Variants in CACNA1D observed in about 807,000 individuals in gnomAD.
The protein encoded by CACNA1D is calcium voltage-gated channel subunit alpha1 D.
A neutral mutation model predicts 257.1 loss-of-function variants in CACNA1D; 55 were observed. The ratio of observed to expected loss-of-function variants is 0.21; its 90% CI spans 0.17 to 0.27. The LOEUF is 0.27. Among genes scored for constraint, CACNA1D ranks in the 10% least tolerant of loss-of-function variants. The pLI, the probability that CACNA1D is intolerant of heterozygous loss-of-function variation, is 1.00. For synonymous variants in CACNA1D, 980 were observed against 1,014.9 expected (o/e 0.97, Z 0.65); for missense variants, 1,876 against 2,784.0 (o/e 0.67, Z 7.34).
At chr3:53,520,894 CTTTTCTTTTCT>C (rs200066921) in intron 3 of CACNA1D, among the ~76,000 whole-genome samples, 4,020 of 102,938 alleles carry the variant, frequency 0.039, 71 homozygotes, top group Admixed American at 0.08. Flanking sequence ...TTCTTTCTTT[CTTTTCTTTTCT>C]TTTCTTTTCT....
In CACNA1D at chr3:53,745,828, G is replaced by A. The variant is rs749228304; in HGVS notation, c.3120G>A (p.Lys1040=). ...CCTGTCTATTTTATACCCAGGGGAA[G>A]TTCTATCGCTGTACGGATGAAGCCA... is the stretch of plus-strand genomic sequence containing the variant. ...ACIGVQLFKG[K]FYRCTDEAKS... is the part of the protein sequence containing the mutation. The change falls in exon 25 of 48, where the codon AAG becomes AAA. Residue 1040 remains lysine, a synonymous_variant. Transcript: ENST00000350061. 1.9e-6 allele frequency: 3 copies of A among 1,613,846 alleles called. No individual in the cohort carries two copies. The South Asian group carries it at 3.3e-5, about 18-fold the overall frequency.
At chr3:53,735,586 G>T (rs1314605366) in intron 20 of CACNA1D, 83 bp downstream of exon 20, 27 of 1,488,948 alleles carry the variant, frequency 1.8e-5, no homozygotes, top group Non-Finnish European at 2.5e-5. Flanking sequence ...GAGCTGTGGA[G>T]GCCCTCAAGG....
chr3:53,611,596 AT>A (rs2093584164), intron 3 of CACNA1D, among the ~76,000 whole-genome samples: 1 of 152,062 alleles, frequency 6.6e-6, no homozygotes. Flanking sequence ...TTCAATCATT[AT>A]TATTTTTTGC....
At chr3:53,610,749 A>G (rs2093573101) in intron 3 of CACNA1D, among the ~76,000 whole-genome samples, 1 of 151,828 alleles carries the variant, frequency 6.6e-6, no homozygotes, top group Non-Finnish European at 1.5e-5. Flanking sequence ...ATTCTTTGAC[A>G]TTCCATTTTA....
At chr3:53,552,025 AT>A (rs2092545322) in intron 3 of CACNA1D, among the ~76,000 whole-genome samples, 1 of 152,168 alleles carries the variant, frequency 6.6e-6, no homozygotes, top group African/African-American at 2.4e-5. Context: ...CTCTATGGCT[AT>A]CCCACTCCTG....
chr3:53,727,519 A>G (rs1430359250), intron 15 of CACNA1D, among the ~76,000 whole-genome samples: 1 of 152,176 alleles, frequency 6.6e-6, no homozygotes, highest in African/African-American at 2.4e-5. Flanking sequence ...ATCATGCTGC[A>G]TAACTTCTCT....
intron 8 of CACNA1D, among the ~76,000 whole-genome samples, chr3:53,684,644 AG>A (rs1168498111): frequency 6.0e-4 from 87 of 145,390 alleles, no homozygotes; most frequent in African/African-American, 2.1e-3. Context: ...AAAAAAAAAA[AG>A]CATCAAAATG....
intron 3 of CACNA1D, among the ~76,000 whole-genome samples, chr3:53,604,034 A>G (rs902260412): frequency 1.3e-5 from 2 of 152,256 alleles, no homozygotes; most frequent in Admixed American, 1.3e-4. Context: ...GGTAATGCGG[A>G]TGGAGCAACA....
At chr3:53,597,543 A>C (rs552652986) in intron 3 of CACNA1D, among the ~76,000 whole-genome samples, 14 of 152,300 alleles carry the variant, frequency 9.2e-5, no homozygotes, top group African/African-American at 3.4e-4. Context: ...TTACTGAGGG[A>C]GAGGAGTCCC....
intron 3 of CACNA1D, among the ~76,000 whole-genome samples, chr3:53,594,004 C>G (rs1271630827): frequency 6.6e-6 from 1 of 152,124 alleles, no homozygotes; most frequent in African/African-American, 2.4e-5. Flanking sequence ...AAGGTGAAGT[C>G]TTAGAAGAAG....
chr3:53,531,018 ATTTTTT>A (rs11328561), intron 3 of CACNA1D, among the ~76,000 whole-genome samples: 1 of 118,900 alleles, frequency 8.4e-6, no homozygotes, highest in Non-Finnish European at 1.8e-5. Flanking sequence ...GCTAATTTTA[ATTTTTT>A]TTTTTTTTTT....
intron 3 of CACNA1D, among the ~76,000 whole-genome samples, chr3:53,574,178 G>T (rs1468551202): frequency 4.6e-5 from 7 of 152,128 alleles, no homozygotes; most frequent in African/African-American, 1.7e-4. Flanking sequence ...AATGACGAGG[G>T]TGCTGCCCTG....
intron 32 of CACNA1D, among the ~76,000 whole-genome samples, chr3:53,772,187 C>T (rs958138876): frequency 6.6e-6 from 1 of 152,130 alleles, no homozygotes; most frequent in Non-Finnish European, 1.5e-5. Flanking sequence ...CACTTGGCGA[C>T]CCCCCAGCTC....
At chr3:53,547,837 C>T (rs1427861463) in intron 3 of CACNA1D, among the ~76,000 whole-genome samples, 1 of 152,184 alleles carries the variant, frequency 6.6e-6, no homozygotes, top group African/African-American at 2.4e-5. Flanking sequence ...CTGGGAATGA[C>T]AAGGCTATGA....
At chr3:53,509,826 T>C (rs2091032451) in intron 3 of CACNA1D, among the ~76,000 whole-genome samples, 1 of 152,224 alleles carries the variant, frequency 6.6e-6, no homozygotes, top group Non-Finnish European at 1.5e-5. Flanking sequence ...CCTTTTCCTG[T>C]GTCCGTCAGG....
At chr3:53,639,701 A>G (rs2926558) in intron 3 of CACNA1D, among the ~76,000 whole-genome samples, 2 of 151,390 alleles carry the variant, frequency 1.3e-5, no homozygotes, top group African/African-American at 4.9e-5. Context: ...TTCATTTTTA[A>G]CTCAGACGTC....
Position 53,808,671 on chromosome 3 carries a change from C to T in CACNA1D, c.5772C>T (p.Asn1924=). Residue 1924 remains asparagine (N), a synonymous_variant, in exon 46 of 48, where the codon AAC becomes AAT. Transcript: ENST00000350061. ...CAGCCCACCGGAGATCCTCCTTCAA[C>T]TTTGAGTGCCTGCGCCGGCAGAGCA... ...TPASHRRSSF[N]FECLRRQSSQ... 2 of 1,609,224 alleles carry T rather than the reference C, an allele frequency of 1.2e-6. No individual in the cohort carries two copies. The highest frequency in any genetic ancestry group is 2.2e-5 in the South Asian group (2 of 91,088).
At chr3:53,658,192 C>CTTTT (rs113734297) in intron 4 of CACNA1D, among the ~76,000 whole-genome samples, 3 of 145,628 alleles carry the variant, frequency 2.1e-5, no homozygotes, top group African/African-American at 7.5e-5. Context: ...GCCCGTGGCA[C>CTTTT]TTTTTTTTTT....
chr3:53,683,012 C>A (rs537890374), intron 8 of CACNA1D, among the ~76,000 whole-genome samples: 1 of 152,234 alleles, frequency 6.6e-6, no homozygotes, highest in African/African-American at 2.4e-5. Context: ...AGAGGGAGAG[C>A]CCAGCAGAGA....
Sources: allele counts gnomAD v4.1 joint callset (sites outside exome capture counted in the v4.1 genomes callset), GRCh38; gene constraint gnomAD v4.1.1; transcripts MANE v1.5; gene names NCBI Gene and HGNC (gene_info 2026-07-23, HGNC 2026-07-21).